Variants in RBMS1 observed in about 807,000 individuals in gnomAD.
The protein encoded by RBMS1 is RNA-binding motif, single-stranded-interacting protein 1.
A neutral mutation model predicts 62.3 loss-of-function variants in RBMS1; 17 were observed. The observed-to-expected ratio is 0.27, with a 90% CI of 0.19 to 0.41. RBMS1 has a LOEUF of 0.41. Among genes scored for constraint, RBMS1 ranks in the 10% least tolerant of loss-of-function variants. RBMS1 has a pLI of 1.00. For missense variants in RBMS1, 334 were observed against 504.5 expected (o/e 0.66, Z 3.24); for synonymous variants, 172 against 170.0 (o/e 1.01, Z -0.09).
intron 1 of RBMS1, among the ~76,000 whole-genome samples, chr2:160,399,638 T>C (rs1014712270): frequency 1.3e-5 from 2 of 152,212 alleles, no homozygotes; most frequent in African/African-American, 2.4e-5. Context: ...TGTCTTAGAA[T>C]TGGTCTGATA....
At chr2:160,404,260 G>C (rs570749291) in intron 1 of RBMS1, among the ~76,000 whole-genome samples, 1 of 152,142 alleles carries the variant, frequency 6.6e-6, no homozygotes, top group African/African-American at 2.4e-5. Flanking sequence ...TGTGAGGCAG[G>C]AAAATCCTGT....
chr2:160,401,775 C>T (rs995571690), intron 1 of RBMS1, among the ~76,000 whole-genome samples: 1 of 152,086 alleles, frequency 6.6e-6, no homozygotes, highest in Non-Finnish European at 1.5e-5. Flanking sequence ...TTTTACCTTC[C>T]TAATATATTT....
chr2:160,297,148 T>G (rs1488771284), intron 6 of RBMS1, among the ~76,000 whole-genome samples: 1 of 152,186 alleles, frequency 6.6e-6, no homozygotes. Context: ...GATTGGGAAG[T>G]AGAATTACAG....
chr2:160,275,598 G>GC (rs753396408), intron 13 of RBMS1, 32 bp downstream of exon 13: 3 of 1,604,138 alleles, frequency 1.9e-6, no homozygotes, highest in East Asian at 2.2e-5. Context: ...CTTGATTTGA[G>GC]CCCCCCAGTT....
intron 6 of RBMS1, among the ~76,000 whole-genome samples, chr2:160,290,087 A>G (rs1288311618): frequency 7.3e-6 from 1 of 137,270 alleles, no homozygotes; most frequent in African/African-American, 2.7e-5. Flanking sequence ...TTACAAAATG[A>G]GAGATCCTCA....
intron 6 of RBMS1, among the ~76,000 whole-genome samples, chr2:160,294,190 T>C (rs1439021507): frequency 6.6e-6 from 1 of 152,164 alleles, no homozygotes; most frequent in Non-Finnish European, 1.5e-5. Flanking sequence ...TAAGCAATTA[T>C]TTTTTCCCCC....
intron 2 of RBMS1, among the ~76,000 whole-genome samples, chr2:160,354,347 G>C (rs1014704349): frequency 6.6e-6 from 1 of 152,112 alleles, no homozygotes; most frequent in Non-Finnish European, 1.5e-5. Flanking sequence ...AATAGGGGTG[G>C]TGGAGGAAAA....
At chr2:160,487,590 T>A (rs897793887) in intron 1 of RBMS1, among the ~76,000 whole-genome samples, 1 of 152,212 alleles carries the variant, frequency 6.6e-6, no homozygotes, top group African/African-American at 2.4e-5. Context: ...CCAGCTTAAA[T>A]CTTTACCTAA....
intron 1 of RBMS1, among the ~76,000 whole-genome samples, chr2:160,392,698 T>C (rs890405956): frequency 3.9e-5 from 6 of 152,116 alleles, no homozygotes; most frequent in Admixed American, 1.3e-4. Flanking sequence ...TCAAGACCAC[T>C]CTGGGCAACA....
At chr2:160,419,105 A>G (rs943807348) in intron 1 of RBMS1, among the ~76,000 whole-genome samples, 3 of 152,196 alleles carry the variant, frequency 2.0e-5, no homozygotes, top group Non-Finnish European at 4.4e-5. Context: ...TAATTCAGTG[A>G]TAAATTTTAC....
At chr2:160,321,430 C>T (rs1265058922) in intron 2 of RBMS1, among the ~76,000 whole-genome samples, 1 of 152,108 alleles carries the variant, frequency 6.6e-6, no homozygotes, top group Non-Finnish European at 1.5e-5. Context: ...CATTCAGTGC[C>T]ATGTTTTTAA....
At chr2:160,363,489 T>C (rs915498956) in intron 2 of RBMS1, among the ~76,000 whole-genome samples, 1 of 151,220 alleles carries the variant, frequency 6.6e-6, no homozygotes, top group Non-Finnish European at 1.5e-5. Flanking sequence ...GGATGGGAGG[T>C]AGTAGAGGAG....
At position 160,486,283 on chromosome 2, in the gene RBMS1, C is replaced by A. The variant is rs1163712873; in HGVS notation, c.75+7006G>T. ...TCGCAATTTGATTCCCTGTCCTCCA[C>A]CCCCCACCCCCAGTCCAAGAAACTC... On this transcript the variant is annotated intron_variant, in intron 1 of 13. Coordinates refer to ENST00000348849, the MANE Select transcript of RBMS1 (RefSeq NM_016836.4). Among the ~76,000 whole-genome samples, 10 of 152,148 alleles carry A rather than the reference C, an allele frequency of 6.6e-5. No homozygotes were observed. In the East Asian group the frequency reaches 1.9e-3, roughly 29 times the overall value.
At chr2:160,289,517 T>C (rs965090476) in intron 6 of RBMS1, among the ~76,000 whole-genome samples, 3 of 152,234 alleles carry the variant, frequency 2.0e-5, no homozygotes, top group Non-Finnish European at 4.4e-5. Flanking sequence ...AAAATTCTCT[T>C]TGGTCTATTT....
intron 5 of RBMS1, among the ~76,000 whole-genome samples, chr2:160,302,144 A>C (rs1689240950): frequency 3.3e-5 from 5 of 152,120 alleles, no homozygotes; most frequent in Admixed American, 3.3e-4. Context: ...CTGGGGAGAA[A>C]AAGATAAAAA....
chr2:160,285,123 G>GGT, intron 7 of RBMS1, 79 bp from the exon 8 acceptor site: 11 of 1,376,372 alleles, frequency 8.0e-6, no homozygotes, highest in Non-Finnish European at 5.2e-6. Flanking sequence ...CAGGTGTGGT[G>GGT]GTGTGCACCT....
chr2:160,347,440 C>T (rs74805921), intron 2 of RBMS1, among the ~76,000 whole-genome samples: 2,140 of 152,244 alleles, frequency 0.014, 62 homozygotes, highest in African/African-American at 0.048. Flanking sequence ...TCACCTCTTA[C>T]AGCATCAGTG....
At chr2:160,432,137 T>C (rs75333332) in intron 1 of RBMS1, among the ~76,000 whole-genome samples, 2,279 of 152,284 alleles carry the variant, frequency 0.015, 79 homozygotes, top group African/African-American at 0.052. Flanking sequence ...TGTTACATTA[T>C]ATTATATGTA....
chr2:160,273,810 T>C lies in RBMS1; in HGVS notation c.*962A>G, dbSNP rs893063439. 10 of 148,570 alleles carry C rather than the reference T, an allele frequency of 6.7e-5. No homozygotes were observed. Among genetic ancestry groups the C allele is most frequent in the African/African-American group, 2.5e-4 (10 of 40,736 alleles). The allele number at this position is 148,570 out of a possible 1,614,324, so 9.2% of individuals were successfully genotyped here. On this transcript the variant is annotated 3_prime_UTR_variant, in exon 14 of 14. Transcript: ENST00000348849. ...AAAAAAGGCAAAAAAGACTTTACAT[T>C]GCATCATACAGCAGATATCCTAAAT...
Sources: gnomAD v4.1 joint callset for allele counts (sites outside exome capture counted in the v4.1 genomes callset) on GRCh38, gnomAD v4.1.1 for gene constraint, MANE v1.5 for transcripts, NCBI Gene and HGNC (gene_info 2026-07-23, HGNC 2026-07-21) for gene names.